Variants in GBP4 observed in about 807,000 individuals in gnomAD.
GBP4 encodes the protein guanylate-binding protein 4.
A neutral mutation model predicts 62.2 loss-of-function variants in GBP4; 69 were observed. The ratio of observed to expected loss-of-function variants is 1.11; its 90% CI spans 0.91 to 1.36. The LOEUF is 1.36. Ranked by LOEUF, GBP4 falls within the 40% of genes most tolerant of loss-of-function variation. The probability of loss-of-function intolerance (pLI) is 0.00; values close to 1 mark genes in which losing one functional copy is unlikely to be tolerated. For missense variants in GBP4, 697 were observed against 759.3 expected (o/e 0.92, Z 0.96); for synonymous variants, 278 against 274.6 (o/e 1.01, Z -0.12).
In GBP4 at chr1:89,195,309, G is replaced by C; in HGVS notation, c.351C>G (p.Gly117=). 1 of 1,613,580 alleles carries C rather than the reference G, an allele frequency of 6.2e-7. No homozygotes were observed. Among genetic ancestry groups the C allele is most frequent in the Non-Finnish European group, 8.5e-7 (1 of 1,179,702 alleles). The change falls in exon 3 of 11, where the codon GGC becomes GGG. Residue 117 remains glycine (G), a synonymous_variant. Coordinates refer to ENST00000355754, the MANE Select transcript of GBP4 (RefSeq NM_052941.5). ...TTCTCTGCCTTACCTTTTCTACATC[G>C]CCCAGGCCCTCGGTGTCCAGAAGGA... ...TLVLLDTEGL[G]DVEKSNPKND...
intron 1 of GBP4, 21 bp downstream of exon 1, chr1:89,198,774 A>G: frequency 6.2e-7 from 1 of 1,606,406 alleles, no homozygotes; most frequent in East Asian, 2.2e-5. Context: ...CTTGAAAGGT[A>G]AAGCTTAAGA....
chr1:89,191,199 A>C (rs1420327802), intron 6 of GBP4, 62 bp downstream of exon 6: 2 of 1,573,242 alleles, frequency 1.3e-6, no homozygotes, highest in Middle Eastern at 1.8e-4. Flanking sequence ...ACTTGCAGTC[A>C]TTACAGCTTC....
At position 89,192,986 on chromosome 1, in the gene GBP4, C is replaced by T. The variant is rs1471818323; in HGVS notation, c.588G>A (p.Arg196=). The T allele has an allele frequency of 2.5e-6, 4 of 1,613,986 alleles. No homozygotes were observed. The highest frequency in any genetic ancestry group is 3.4e-6 in the Non-Finnish European group (4 of 1,180,032). The change falls in exon 5 of 11, where the codon CGG becomes CGA. Residue 196 remains arginine (R), a synonymous_variant. Coordinates refer to ENST00000355754, the MANE Select transcript of GBP4 (RefSeq NM_052941.5). Reference sequence around the variant, plus strand: ...CTAACTTTAGCTCCAGGGTAAAATCCCGAACAGTCCAAATAAAGTCTGGAA... The same window carrying T: ...CTAACTTTAGCTCCAGGGTAAAATCTCGAACAGTCCAAATAAAGTCTGGAA... The part of the protein sequence containing the change: ...SFFPDFIWTV[R]DFTLELKLDG...
Position 89,187,104 on chromosome 1 carries a change from T to C in GBP4, c.1411-2A>G. The C allele has an allele frequency of 6.2e-7, 1 of 1,613,652 alleles. No individual in the cohort carries two copies. The highest frequency in any genetic ancestry group is 8.5e-7 in the Non-Finnish European group (1 of 1,179,576). On this transcript the variant is annotated splice_acceptor_variant, in intron 8 of 10. Transcript: ENST00000355754. LOFTEE classifies it high-confidence loss of function. Reference sequence around the variant, plus strand: ...GAAGTTCTGGAGGACCTCGTTTGCCTGAGGAACCAAGAAAGAGCAAAGACC... The same window carrying C: ...GAAGTTCTGGAGGACCTCGTTTGCCCGAGGAACCAAGAAAGAGCAAAGACC...
intron 1 of GBP4, 83 bp from the exon 2 acceptor site, chr1:89,197,387 C>G (rs1285200819): frequency 1.1e-5 from 12 of 1,098,202 alleles, no homozygotes; most frequent in African/African-American, 3.2e-5. Context: ...TACATATTAG[C>G]TTTTTGCTTG....
chr1:89,195,150 T>C (rs1324332), intron 3 of GBP4, 147 bp downstream of exon 3: 10 of 774,764 alleles, frequency 1.3e-5, no homozygotes, highest in Admixed American at 2.7e-5. Flanking sequence ...ATACTTGAAA[T>C]TAATAAGGAA....
rs1200012074 is a variant in GBP4 at position 89,183,980 on chromosome 1, AT to A, written c.*1273del. On this transcript the variant is annotated 3_prime_UTR_variant, in exon 11 of 11. Coordinates refer to ENST00000355754, the MANE Select transcript of GBP4 (RefSeq NM_052941.5). Reference sequence around the variant, plus strand: ...CAACTATGCATCCAACAAAGATCTAATATCCAGAATCTATAAGAAGCTTCAA... The same window carrying A: ...CAACTATGCATCCAACAAAGATCTAAATCCAGAATCTATAAGAAGCTTCAA... The A allele has an allele frequency of 2.0e-5, 3 of 152,258 alleles. No individual in the cohort carries two copies. The highest frequency in any genetic ancestry group is 7.2e-5 in the African/African-American group (3 of 41,472). 9.4% of individuals were successfully genotyped at this position (152,258 alleles called of 1,614,324 possible). A position where few individuals can be genotyped will look rare whatever the true frequency, so the allele number is the denominator to read the frequency against.
intron 9 of GBP4, 49 bp downstream of exon 9, chr1:89,186,951 A>G: frequency 6.6e-7 from 1 of 1,524,678 alleles, no homozygotes; most frequent in Non-Finnish European, 9.1e-7. Context: ...GCAAGAAGGC[A>G]TTGCAGGAAA....
chr1:89,189,408 A>C (rs1648121282), intron 7 of GBP4, among the ~76,000 whole-genome samples: 1 of 152,200 alleles, frequency 6.6e-6, no homozygotes, highest in South Asian at 2.1e-4. Context: ...GCCTATGGTA[A>C]GTAGATTTAA....
intron 2 of GBP4, 147 bp from the exon 3 acceptor site, chr1:89,195,571 T>C (rs1648313465): frequency 2.3e-6 from 2 of 864,028 alleles, no homozygotes; most frequent in Admixed American, 2.9e-5. Flanking sequence ...TAATCTGACC[T>C]TTATATGTAT....
At chr1:89,187,172 G>A (rs549235095) in intron 8 of GBP4, 70 bp from the exon 9 acceptor site, 5 of 1,201,704 alleles carry the variant, frequency 4.2e-6, no homozygotes, top group Non-Finnish European at 6.2e-6. Context: ...CGAAATTATT[G>A]TTCAATAAAG....
At position 89,185,008 on chromosome 1, in the gene GBP4, T is replaced by G; in HGVS notation, c.*246A>C. The stretch of plus-strand genomic sequence containing the variant: ...TTGTCTTTTTGCTTTCCTTAAATCT[T>G]TTCTAGGAATAATGTCACTACTTCT... On this transcript the variant is annotated 3_prime_UTR_variant, in exon 11 of 11. Transcript: ENST00000355754. 3.0e-6 allele frequency: 1 copy of G among 332,562 alleles called. No individual in the cohort carries two copies. Among genetic ancestry groups the G allele is most frequent in the Non-Finnish European group, 5.4e-6 (1 of 185,226 alleles). 20.6% of individuals were successfully genotyped at this position (332,562 alleles called of 1,614,324 possible).
intron 10 of GBP4, among the ~76,000 whole-genome samples, chr1:89,186,119 A>C (rs568758936): frequency 6.6e-6 from 1 of 152,326 alleles, no homozygotes; most frequent in East Asian, 1.9e-4. Context: ...GGGAGATGTC[A>C]TGTGTACTCT....
Position 89,198,915 on chromosome 1 carries a change from C to G in GBP4, c.-81G>C. Reference sequence around the variant, plus strand: ...AAGTCCAGCCGGATTTACAGACATCCAAGTAAGAGTCTGTGAGAACCGAAA... The same window carrying G: ...AAGTCCAGCCGGATTTACAGACATCGAAGTAAGAGTCTGTGAGAACCGAAA... On this transcript the variant is annotated 5_prime_UTR_variant, in exon 1 of 11. Transcript: ENST00000355754. 1.5e-6 allele frequency: 2 copies of G among 1,312,468 alleles called. No homozygotes were observed. Among genetic ancestry groups the G allele is most frequent in the Non-Finnish European group, 2.2e-6 (2 of 904,834 alleles). 81.3% of individuals were successfully genotyped at this position (1,312,468 alleles called of 1,614,324 possible). A position where few individuals can be genotyped will look rare whatever the true frequency, so the allele number is the denominator to read the frequency against.
Position 89,190,119 on chromosome 1 carries a change from T to G in GBP4, c.1116A>C (p.Ala372=). ...DTLQELLDVH[A]ACEREAIAVF... is the part of the protein sequence containing the mutation. ...CTGCAATGGCTTCCCTCTCACAGGC[T>G]GCATGCACGTCCAGCAGCTCCTGGA... Residue 372 remains alanine (A), a synonymous_variant, in exon 7 of 11, where the codon GCA becomes GCC. Coordinates refer to ENST00000355754, the MANE Select transcript of GBP4 (RefSeq NM_052941.5). The G allele has an allele frequency of 1.2e-6, 2 of 1,614,188 alleles. No individual in the cohort carries two copies. The highest frequency in any genetic ancestry group is 1.7e-6 in the Non-Finnish European group (2 of 1,180,032).
In GBP4 at chr1:89,195,412, C is replaced by G; in HGVS notation, c.248G>C (p.Gly83Ala). 6.2e-7 allele frequency: 1 copy of G among 1,613,752 alleles called. No homozygotes were observed. Among genetic ancestry groups the G allele is most frequent in the Non-Finnish European group, 8.5e-7 (1 of 1,179,816 alleles). Residue 83 changes from glycine (G) to alanine (A), a missense_variant, in exon 3 of 11, where the codon GGC becomes GCC. Around this residue, in one of 2 missense-constraint regions of GBP4, gnomAD observed 556 missense variants for 562.7 expected, o/e 0.99. Coordinates refer to ENST00000355754, the MANE Select transcript of GBP4 (RefSeq NM_052941.5). ...LAGKRNGFPL[G>A]STVQSETKGI... ...CTTAGTTTCAGACTGCACCGTGGAG[C>G]CCAGAGGGAAGCCTGCAGGGAAGAG...
chr1:89,196,106 T>A (rs959564853), intron 2 of GBP4, among the ~76,000 whole-genome samples: 6 of 152,182 alleles, frequency 3.9e-5, no homozygotes, highest in Admixed American at 2.6e-4. Flanking sequence ...ATTTTGTACA[T>A]GTGCACCAGG....
At chr1:89,190,503 AT>A (rs1171506387) in intron 6 of GBP4, among the ~76,000 whole-genome samples, 185 bp from the exon 7 acceptor site, 1 of 151,616 alleles carries the variant, frequency 6.6e-6, no homozygotes, top group African/African-American at 2.4e-5. Context: ...TAACATCCCT[AT>A]TTTTCCTATT....
chr1:89,187,059 A>G lies in GBP4; in HGVS notation c.1454T>C (p.Val485Ala). 6.2e-7 allele frequency: 1 copy of G among 1,614,124 alleles called. No homozygotes were observed. The part of the protein sequence containing the change: ...LQNFLQSQVV[V>A]EESILQSDKA... The stretch of plus-strand genomic sequence containing the variant: ...GTCTGACTGCAGGATGGATTCCTCT[A>G]CAACCACCTGTGACTGCAGGAAGTT... The change falls in exon 9 of 11, where the codon GTA becomes GCA. Residue 485 changes from valine (V) to alanine (A), a missense_variant. Val to Ala is a moderately conservative substitution (Grantham distance 64, BLOSUM62 0). Coordinates refer to ENST00000355754, the MANE Select transcript of GBP4 (RefSeq NM_052941.5).
Sources: allele counts gnomAD v4.1 joint callset (sites outside exome capture counted in the v4.1 genomes callset), GRCh38; gene constraint gnomAD v4.1.1; regional missense constraint gnomAD v4.1.1; transcripts MANE v1.5; gene names NCBI Gene and HGNC (gene_info 2026-07-23, HGNC 2026-07-21).